Variants in REL observed in about 807,000 individuals in gnomAD.
REL encodes the protein proto-oncogene c-Rel.
Under a neutral mutation model 45.9 loss-of-function variants are expected in REL, and 15 were observed. The observed-to-expected ratio is 0.33, with a 90% confidence interval of 0.22 to 0.50. REL has a LOEUF of 0.50. Ranked by LOEUF, REL falls within the 20% of genes least tolerant of loss-of-function variation. The probability of loss-of-function intolerance (pLI) is 0.98; values close to 1 mark genes in which losing one functional copy is unlikely to be tolerated. For synonymous variants in REL, 239 were observed against 242.1 expected, an observed-to-expected ratio of 0.99 and a Z score of 0.12; for missense variants, 601 against 715.2, an observed-to-expected ratio of 0.84 and a Z score of 1.82.
intron 7 of REL, 53 bp from the exon 8 acceptor site, chr2:60,919,988 G>T: frequency 9.1e-7 from 1 of 1,096,036 alleles, no homozygotes; most frequent in South Asian, 1.4e-5. Context: ...TATTAAAGGA[G>T]AGGATACAAT....
Position 60,927,399 on chromosome 2 carries a change from C to T in REL, c.*4864C>T, listed in dbSNP as rs886204313. The T allele has an allele frequency of 4.3e-6, 1 of 231,760 alleles. No homozygotes were observed. 14.4% of individuals were successfully genotyped at this position (231,760 alleles called of 1,614,324 possible). ...TTACCACACACACACGCACACATAC[C>T]ACAGCCCTTTGAGACTGAAAGCAGC... On this transcript the variant is annotated 3_prime_UTR_variant, in exon 10 of 10. Coordinates refer to ENST00000394479, the MANE Select transcript of REL (RefSeq NM_001291746.2).
chr2:60,918,080 T>G, intron 5 of REL, 111 bp from the exon 6 acceptor site: 1 of 644,314 alleles, frequency 1.6e-6, no homozygotes, highest in Non-Finnish European at 2.7e-6. Flanking sequence ...CATTTATCTA[T>G]ACACTAAAAC....
intron 4 of REL, among the ~76,000 whole-genome samples, chr2:60,906,909 A>T (rs1354355348): frequency 2.2e-3 from 218 of 97,488 alleles, no homozygotes; most frequent in South Asian, 4.4e-3. Context: ...ATATATATAT[A>T]TATATTTTTT....
Position 60,925,552 on chromosome 2 carries a change from T to C in REL, c.*3017T>C, listed in dbSNP as rs1674248250. On this transcript the variant is annotated 3_prime_UTR_variant, in exon 10 of 10. Transcript: ENST00000394479. ...AGAAAGTAATTTTTTTACTTAAAAA[T>C]ATAAATTAAAATAAATTTTTAAAAT... 5.5e-6 allele frequency: 1 copy of C among 180,446 alleles called. No homozygotes were observed. Among genetic ancestry groups the C allele is most frequent in the Admixed American group, 6.3e-5 (1 of 15,902 alleles). 11.2% of individuals were successfully genotyped at this position (180,446 alleles called of 1,614,324 possible).
Position 60,925,065 on chromosome 2 carries a change from G to A in REL, c.*2530G>A, listed in dbSNP as rs953442706. 6 of 197,948 alleles carry A rather than the reference G, an allele frequency of 3.0e-5. No individual in the cohort carries two copies. Among genetic ancestry groups the A allele is most frequent in the Non-Finnish European group, 5.2e-5 (5 of 95,618 alleles). The allele number at this position is 197,948 out of a possible 1,614,324, so 12.3% of individuals were successfully genotyped here. On this transcript the variant is annotated 3_prime_UTR_variant, in exon 10 of 10. Coordinates refer to ENST00000394479, the MANE Select transcript of REL (RefSeq NM_001291746.2). ...CCAAAGACATTGTAAGGGTTAATTAGATCATTATATTTTATTATTACAGAT... is the reference window on the plus strand; with the variant it reads ...CCAAAGACATTGTAAGGGTTAATTAAATCATTATATTTTATTATTACAGAT...
chr2:60,893,522 ATT>A (rs1186604744), intron 2 of REL, among the ~76,000 whole-genome samples: 1 of 152,142 alleles, frequency 6.6e-6, no homozygotes, highest in Non-Finnish European at 1.5e-5. Flanking sequence ...TAAGATATGT[ATT>A]TTTACCATTC....
Position 60,927,437 on chromosome 2 carries a change from A to G in REL, c.*4902A>G, listed in dbSNP as rs1204454521. The G allele has an allele frequency of 4.3e-6, 1 of 230,840 alleles. No homozygotes were observed. The highest frequency in any genetic ancestry group is 8.6e-6 in the Non-Finnish European group (1 of 116,544). The allele number at this position is 230,840 out of a possible 1,614,324, so 14.3% of individuals were successfully genotyped here. On this transcript the variant is annotated 3_prime_UTR_variant, in exon 10 of 10. Coordinates refer to ENST00000394479, the MANE Select transcript of REL (RefSeq NM_001291746.2). ...GACTGAAAGCAGCTCTATTGAGAAT[A>G]GTAGTGTCAACTGTATTATGTAGAA...
Position 60,918,537 on chromosome 2 carries a change from C to CA in REL, c.785dup (p.Leu263ValfsTer6). 1 of 1,614,038 alleles carries CA rather than the reference C, an allele frequency of 6.2e-7. No individual in the cohort carries two copies. Among genetic ancestry groups the CA allele is most frequent in the Non-Finnish European group, 8.5e-7 (1 of 1,179,948 alleles). On this transcript the variant is annotated frameshift_variant, in exon 7 of 10. Coordinates refer to ENST00000394479, the MANE Select transcript of REL (RefSeq NM_001291746.2). LOFTEE classifies it high-confidence loss of function. Reference sequence around the variant, plus strand: ...CACAGAACCCGTAACAGTAAAAATGCAGTTGCGGAGACCTTCTGACCAGGA... The same window carrying CA: ...CACAGAACCCGTAACAGTAAAAATGCAAGTTGCGGAGACCTTCTGACCAGGA...
At chr2:60,920,232 C>T in intron 8 of REL, 123 bp downstream of exon 8, 1 of 779,500 alleles carries the variant, frequency 1.3e-6, no homozygotes, top group Non-Finnish European at 2.1e-6. Context: ...GATAGCATCT[C>T]TCTCTGTCAC....
intron 4 of REL, among the ~76,000 whole-genome samples, chr2:60,911,982 GC>G (rs1252467451): frequency 8.6e-6 from 1 of 115,958 alleles, no homozygotes; most frequent in Non-Finnish European, 1.6e-5. Flanking sequence ...TGGGCAAAGA[GC>G]AAGACTGTCT....
chr2:60,915,426 TG>T (rs1311368664), intron 4 of REL, among the ~76,000 whole-genome samples: 2 of 152,226 alleles, frequency 1.3e-5, no homozygotes, highest in Non-Finnish European at 2.9e-5. Flanking sequence ...CATAACATTT[TG>T]ACCTTTCAGT....
intron 4 of REL, among the ~76,000 whole-genome samples, chr2:60,907,174 C>A (rs921273942): frequency 1.3e-5 from 2 of 151,704 alleles, no homozygotes; most frequent in Non-Finnish European, 2.9e-5. Flanking sequence ...CCCACCTTGG[C>A]CTCCCAGAGT....
intron 1 of REL, among the ~76,000 whole-genome samples, chr2:60,888,657 C>T (rs1269258828): frequency 1.3e-5 from 2 of 152,152 alleles, no homozygotes; most frequent in Non-Finnish European, 2.9e-5. Context: ...TCTTCATCTT[C>T]TGAATAAACA....
At position 60,921,987 on chromosome 2, in the gene REL, T is replaced by A. The variant is rs1283860542; in HGVS notation, c.1216T>A (p.Ser406Thr). The A allele has an allele frequency of 1.2e-6, 2 of 1,614,074 alleles. No homozygotes were observed. The highest frequency in any genetic ancestry group is 4.5e-5 in the East Asian group (2 of 44,892). ...TAGTTTTTCAACAAGGACACTTCCT[T>A]CTAATTCGCAAGGTATCCCACCATT... Reference protein sequence around the residue: ...LSSFSTRTLPSNSQGIPPFLR... With the variant: ...LSSFSTRTLPTNSQGIPPFLR... The change falls in exon 10 of 10, where the codon TCT (serine) becomes ACT (threonine). Residue 406 changes from serine (S) to threonine (T), a missense_variant. Physicochemically the swap from Ser to Thr is moderately conservative, Grantham distance 58. Transcript: ENST00000394479.
At chr2:60,921,613 GC>G in intron 9 of REL, 149 bp from the exon 10 acceptor site, 2 of 689,814 alleles carry the variant, frequency 2.9e-6, no homozygotes, top group Non-Finnish European at 4.7e-6. Context: ...TAATTTTAGT[GC>G]TTTTTACATT....
intron 3 of REL, among the ~76,000 whole-genome samples, chr2:60,898,657 C>T (rs1387797228): frequency 1.3e-5 from 2 of 152,216 alleles, no homozygotes; most frequent in Non-Finnish European, 2.9e-5. Context: ...TGGGGTTTTG[C>T]AAGCTGTATG....
intron 1 of REL, among the ~76,000 whole-genome samples, chr2:60,883,744 A>G (rs75552587): frequency 0.011 from 1,701 of 151,804 alleles, 30 homozygotes; most frequent in African/African-American, 0.039. Context: ...TTGACACTGT[A>G]TTTTGTGCTG....
intron 1 of REL, among the ~76,000 whole-genome samples, chr2:60,884,375 A>G (rs1673020382): frequency 6.6e-6 from 1 of 152,062 alleles, no homozygotes; most frequent in African/African-American, 2.4e-5. Context: ...ATGATTCTAA[A>G]TTTTGTTTAG....
chr2:60,917,691 TGTGTGTGTGTGTGTGTGTGTGTGTAC>T (rs1339789580), intron 5 of REL, among the ~76,000 whole-genome samples: 11 of 149,816 alleles, frequency 7.3e-5, no homozygotes, highest in African/African-American at 2.5e-4. Context: ...TGTGTGTGTG[TGTGTGTGTGTGTGTGTGTGTGTGTAC>T]GTGTGTGTGT....
Sources: gnomAD v4.1 joint callset for allele counts (sites outside exome capture counted in the v4.1 genomes callset) on GRCh38, gnomAD v4.1.1 for gene constraint, MANE v1.5 for transcripts, NCBI Gene and HGNC (gene_info 2026-07-23, HGNC 2026-07-21) for gene names.